The following PTBP3 variants were observed in gnomAD, a reference collection of about 807,000 sequenced individuals.
PTBP3 encodes the protein polypyrimidine tract-binding protein 3.
PTBP3 carries 20 observed loss-of-function variants against 58.7 expected under a neutral mutation model. The observed-to-expected ratio is 0.34, with a 90% confidence interval of 0.24 to 0.50. The LOEUF (loss-of-function observed/expected upper bound fraction) is 0.50. PTBP3 is among the 20% of genes least tolerant of loss of function. The probability of loss-of-function intolerance (pLI) is 0.98; values close to 1 mark genes in which losing one functional copy is unlikely to be tolerated. For missense variants in PTBP3, 509 were observed against 637.2 expected (o/e 0.80, Z 2.17); for synonymous variants, 185 against 219.8 (o/e 0.84, Z 1.40).
At chr9:112,322,195 C>T (rs1178477970) in intron 1 of PTBP3, among the ~76,000 whole-genome samples, 1 of 143,930 alleles carries the variant, frequency 6.9e-6, no homozygotes, top group Non-Finnish European at 1.5e-5. Context: ...GGAGGGGGAA[C>T]AGTAACCTCT....
intron 1 of PTBP3, among the ~76,000 whole-genome samples, chr9:112,324,122 A>C (rs1830057236): frequency 6.6e-6 from 1 of 152,078 alleles, no homozygotes; most frequent in African/African-American, 2.4e-5. Flanking sequence ...ATATTTAAAG[A>C]GTTTTTTTAA....
At chr9:112,308,065 T>G (rs1829307353) in intron 1 of PTBP3, among the ~76,000 whole-genome samples, 2 of 152,224 alleles carry the variant, frequency 1.3e-5, no homozygotes, top group South Asian at 4.1e-4. Context: ...CATTCCCTTT[T>G]TTTGAGACAG....
At chr9:112,300,782 C>A (rs916331289) in intron 1 of PTBP3, among the ~76,000 whole-genome samples, 1 of 151,252 alleles carries the variant, frequency 6.6e-6, no homozygotes, top group African/African-American at 2.4e-5. Flanking sequence ...AAAGAATACA[C>A]GCTATATTGT....
intron 1 of PTBP3, among the ~76,000 whole-genome samples, chr9:112,302,893 C>T (rs1829008645): frequency 6.6e-6 from 1 of 152,006 alleles, no homozygotes; most frequent in Admixed American, 6.6e-5. Context: ...CCCAGCCTGA[C>T]TATATTCTTC....
the PTBP3 span, among the ~76,000 whole-genome samples, chr9:112,361,457 G>A: frequency 6.6e-6 from 1 of 151,982 alleles, no homozygotes; most frequent in Non-Finnish European, 1.5e-5. Context: ...TCCATTTTAT[G>A]GTAATTTTGA....
chr9:112,346,969 T>C, the PTBP3 span, among the ~76,000 whole-genome samples: 56,091 of 151,914 alleles, frequency 0.37, 10,577 homozygotes, highest in South Asian at 0.44. Context: ...GGTGATCTGC[T>C]CACCTCACCC....
chr9:112,346,748 A>C, the PTBP3 span, among the ~76,000 whole-genome samples: 4 of 152,160 alleles, frequency 2.6e-5, no homozygotes, highest in Admixed American at 1.3e-4. Flanking sequence ...TTTTTTCCTG[A>C]GACAGAGTCT....
chr9:112,224,542 A>T (rs901153160), intron 12 of PTBP3, among the ~76,000 whole-genome samples: 5 of 152,222 alleles, frequency 3.3e-5, no homozygotes, highest in African/African-American at 1.2e-4. Context: ...AATCAACTGT[A>T]GTACTTCCAA....
At chr9:112,342,329 C>CGT in the PTBP3 span, among the ~76,000 whole-genome samples, 11 of 152,252 alleles carry the variant, frequency 7.2e-5, no homozygotes, top group African/African-American at 2.6e-4. Flanking sequence ...TATGTCTCTG[C>CGT]GTGTGTGTGT....
At chr9:112,260,665 G>A (rs975804070) in intron 5 of PTBP3, among the ~76,000 whole-genome samples, 4 of 152,158 alleles carry the variant, frequency 2.6e-5, no homozygotes, top group African/African-American at 4.8e-5. Flanking sequence ...GAGAGACAGT[G>A]CCAGAAAAGA....
the PTBP3 span, among the ~76,000 whole-genome samples, chr9:112,370,721 G>T: frequency 6.6e-6 from 1 of 152,156 alleles, no homozygotes; most frequent in Non-Finnish European, 1.5e-5. Flanking sequence ...TTGCTTTGAG[G>T]AGTATTGTAA....
At chr9:112,301,034 CTT>C (rs2132329442) in intron 1 of PTBP3, among the ~76,000 whole-genome samples, 1 of 152,050 alleles carries the variant, frequency 6.6e-6, no homozygotes, top group South Asian at 2.1e-4. Context: ...AATATAAAAA[CTT>C]TTGTGTTTCA....
At chr9:112,239,840 AGGGAGGGAGGG>A (rs1835579493) in intron 7 of PTBP3, among the ~76,000 whole-genome samples, 1 of 7,446 alleles carries the variant, frequency 1.3e-4, no homozygotes, top group Non-Finnish European at 2.3e-4. Flanking sequence ...GAAGGGAGGG[AGGGAGGGAGGG>A]AGGGAGGGAG....
chr9:112,259,586 C>T (rs552647481), intron 5 of PTBP3, among the ~76,000 whole-genome samples: 6 of 152,262 alleles, frequency 3.9e-5, no homozygotes, highest in Middle Eastern at 3.4e-3. Flanking sequence ...GCTCAGATAT[C>T]ATATTGCAAA....
intron 12 of PTBP3, among the ~76,000 whole-genome samples, chr9:112,226,436 T>C (rs1262630127): frequency 6.6e-6 from 1 of 152,064 alleles, no homozygotes; most frequent in Non-Finnish European, 1.5e-5. Context: ...TACACACACA[T>C]CCCCCACAGC....
chr9:112,320,531 G>C (rs1200940446), intron 1 of PTBP3, among the ~76,000 whole-genome samples: 1 of 151,378 alleles, frequency 6.6e-6, no homozygotes, highest in Non-Finnish European at 1.5e-5. Context: ...GAAAATCACA[G>C]CTTTGTCTAT....
chr9:112,263,238 T>C (rs1375311075), intron 4 of PTBP3, among the ~76,000 whole-genome samples: 1 of 151,852 alleles, frequency 6.6e-6, no homozygotes, highest in Non-Finnish European at 1.5e-5. Flanking sequence ...AAACAGAAAA[T>C]CCATCAAATA....
chr9:112,301,046 AAAG>A (rs1403207639), intron 1 of PTBP3, among the ~76,000 whole-genome samples: 1 of 152,202 alleles, frequency 6.6e-6, no homozygotes. Flanking sequence ...TTTGTGTTTC[AAAG>A]AACACCATCA....
At chr9:112,286,928 C>T (rs576030912) in intron 2 of PTBP3, among the ~76,000 whole-genome samples, 4 of 152,136 alleles carry the variant, frequency 2.6e-5, no homozygotes, top group African/African-American at 9.6e-5. Flanking sequence ...AATGATGCTT[C>T]ATTGTCTTCT....
Sources: gnomAD v4.1 joint callset for allele counts (sites outside exome capture counted in the v4.1 genomes callset) on GRCh38, gnomAD v4.1.1 for gene constraint, MANE v1.5 for transcripts, NCBI Gene and HGNC (gene_info 2026-07-23, HGNC 2026-07-21) for gene names.